CUBN: variants seen among roughly 807,000 people sequenced by gnomAD.
CUBN encodes the protein 460 kDa receptor.
CUBN carries 282 observed loss-of-function variants against 405.3 expected under a neutral mutation model. That is an observed-to-expected ratio of 0.70 (90% CI 0.63 to 0.77). CUBN has a LOEUF of 0.77. Ranked by LOEUF, CUBN falls within the 30% of genes least tolerant of loss-of-function variation. The pLI is 0.00. For synonymous variants in CUBN, 1,684 were observed against 1,617.0 expected (o/e 1.04, Z -0.99); for missense variants, 4,514 against 4,475.2 (o/e 1.01, Z -0.25).
chr10:16,949,919 A>T, intron 34 of CUBN, 82 bp downstream of exon 34: 1 of 1,015,400 alleles, frequency 9.8e-7, no homozygotes, highest in Non-Finnish European at 1.5e-6. Flanking sequence ...ATTGCAACCT[A>T]GAATGGCAGC....
chr10:17,129,724 G>A lies in CUBN; in HGVS notation c.42C>T (p.Thr14=). 6.2e-7 allele frequency: 1 copy of A among 1,614,004 alleles called. No individual in the cohort carries two copies. The highest frequency in any genetic ancestry group is 1.1e-5 in the South Asian group (1 of 91,082). Residue 14 remains threonine (T), a synonymous_variant, in exon 1 of 67, where the codon ACC becomes ACT. Coordinates refer to ENST00000377833, the MANE Select transcript of CUBN (RefSeq NM_001081.4). The part of the protein sequence containing the change: ...MSLPFLWSLL[T]LLIFAEVNGE... ...CATTTACTTCAGCAAATATTAATAA[G>A]GTAAGCAAACTCCAAAGAAAAGGTA...
chr10:17,027,965 T>C (rs79562353), intron 27 of CUBN, among the ~76,000 whole-genome samples: 3,746 of 152,196 alleles, frequency 0.025, 71 homozygotes, highest in Non-Finnish European at 0.039. Context: ...ATGTACCCCA[T>C]AATATATACA....
At chr10:17,040,965 G>A in intron 27 of CUBN, 68 bp downstream of exon 27, 1 of 1,454,580 alleles carries the variant, frequency 6.9e-7, no homozygotes, top group Non-Finnish European at 9.7e-7. Flanking sequence ...AAAGCATGAT[G>A]GATTCTAACT....
intron 28 of CUBN, among the ~76,000 whole-genome samples, chr10:17,001,281 G>T (rs1288418973): frequency 2.0e-5 from 3 of 152,246 alleles, no homozygotes; most frequent in Non-Finnish European, 4.4e-5. Flanking sequence ...TCCACAGCGT[G>T]CAGGGCAACC....
At chr10:16,918,572 C>G in intron 45 of CUBN, 50 bp downstream of exon 45, 1 of 1,417,422 alleles carries the variant, frequency 7.1e-7, no homozygotes, top group Non-Finnish European at 9.8e-7. Context: ...TATAACAAAT[C>G]TGCACATGTA....
intron 48 of CUBN, among the ~76,000 whole-genome samples, chr10:16,909,525 T>C (rs1841661181): frequency 6.6e-6 from 1 of 152,272 alleles, no homozygotes; most frequent in African/African-American, 2.4e-5. Context: ...TCTATAATGC[T>C]GAAAACAGGA....
chr10:17,089,917 T>C (rs573672938), intron 14 of CUBN, among the ~76,000 whole-genome samples: 2 of 152,044 alleles, frequency 1.3e-5, no homozygotes, highest in South Asian at 4.2e-4. Context: ...TTGAGCCCAG[T>C]TTAAGAACGG....
At chr10:16,991,195 T>C (rs190816914) in intron 28 of CUBN, among the ~76,000 whole-genome samples, 19 of 152,366 alleles carry the variant, frequency 1.2e-4, no homozygotes, top group Admixed American at 1.0e-3. Flanking sequence ...TCAAATGCTG[T>C]AGCCTGCGGC....
At chr10:17,105,041 T>C (rs1836591648) in intron 11 of CUBN, among the ~76,000 whole-genome samples, 1 of 151,898 alleles carries the variant, frequency 6.6e-6, no homozygotes, top group African/African-American at 2.4e-5. Context: ...TGGCTCGTGA[T>C]GCACCCGCCT....
In CUBN at chr10:17,111,058, A is replaced by G. The variant is rs764612252; in HGVS notation, c.884-8T>C. ...ATCCATTGCCTTGCCAGCCTAGGAA[A>G]ACAAGAGGATTTAAAAGTTTAGCTC... On this transcript the variant is annotated splice_polypyrimidine_tract_variant and splice_region_variant and intron_variant, in intron 8 of 66. Transcript: ENST00000377833. The G allele has an allele frequency of 2.3e-5, 37 of 1,614,172 alleles. No individual in the cohort carries two copies. The highest frequency in any genetic ancestry group is 3.1e-5 in the Non-Finnish European group (36 of 1,180,008).
intron 28 of CUBN, among the ~76,000 whole-genome samples, chr10:16,997,693 A>G (rs1833774467): frequency 6.6e-6 from 1 of 152,210 alleles, no homozygotes; most frequent in South Asian, 2.1e-4. Context: ...AGGGTGGGGA[A>G]GTGGACAGGA....
In CUBN at chr10:17,045,193, A is replaced by G. The variant is rs759881480; in HGVS notation, c.3491-5T>C. The G allele has an allele frequency of 2.5e-6, 4 of 1,613,378 alleles. No individual in the cohort carries two copies. The South Asian group carries it at 4.4e-5, about 18-fold the overall frequency. Reference sequence around the variant, plus strand: ...TGGTGAGATTACCCCCGCAACCTACAGGAGAAAGAAGTGGAATGACACACA... The same window carrying G: ...TGGTGAGATTACCCCCGCAACCTACGGGAGAAAGAAGTGGAATGACACACA... On this transcript the variant is annotated splice_polypyrimidine_tract_variant and splice_region_variant and intron_variant, in intron 24 of 66. Transcript: ENST00000377833.
chr10:16,838,128 C>T lies in CUBN; in HGVS notation c.10033-1746G>A, dbSNP rs1839229310. ...TAGCATCTTGTCCACCTTGGGAGCT[C>T]ATCTCAGCATATATGCTTTGCACCA... On this transcript the variant is annotated intron_variant, in intron 62 of 66. Transcript: ENST00000377833. Among the ~76,000 whole-genome samples the T allele has an allele frequency of 2.0e-5, 3 of 152,178 alleles. No homozygotes were observed. The South Asian group carries it at 6.2e-4, about 32-fold the overall frequency.
intron 31 of CUBN, among the ~76,000 whole-genome samples, chr10:16,955,857 C>T (rs1020318450): frequency 6.6e-6 from 1 of 152,120 alleles, no homozygotes; most frequent in African/African-American, 2.4e-5. Flanking sequence ...TTCCAGAGTC[C>T]AGAATTGAAA....
intron 59 of CUBN, among the ~76,000 whole-genome samples, chr10:16,852,764 C>T (rs951630929): frequency 5.3e-5 from 8 of 152,220 alleles, no homozygotes; most frequent in South Asian, 2.1e-4. Context: ...TTTTATGTTC[C>T]GCTTTCATGA....
At chr10:17,049,595 A>T (rs1467743307) in intron 22 of CUBN, among the ~76,000 whole-genome samples, 1 of 152,108 alleles carries the variant, frequency 6.6e-6, no homozygotes, top group Non-Finnish European at 1.5e-5. Context: ...ATCTGTACTG[A>T]AATTTTGATT....
At chr10:17,115,047 C>T (rs1178515755) in intron 7 of CUBN, among the ~76,000 whole-genome samples, 5 of 151,992 alleles carry the variant, frequency 3.3e-5, no homozygotes, top group Non-Finnish European at 7.4e-5. Context: ...AGTTCGAGAT[C>T]ATCCTGGCCA....
intron 59 of CUBN, among the ~76,000 whole-genome samples, chr10:16,862,638 A>G (rs77264316): frequency 0.042 from 6,391 of 152,276 alleles, 451 homozygotes; most frequent in African/African-American, 0.14. Flanking sequence ...TAACAAAAGA[A>G]TGTTTTAAAA....
intron 17 of CUBN, among the ~76,000 whole-genome samples, chr10:17,077,659 T>A (rs1588627737): frequency 6.6e-6 from 1 of 152,290 alleles, no homozygotes; most frequent in African/African-American, 2.4e-5. Context: ...TTCTGTGAAG[T>A]GAGCTTCAGG....
Sources: gnomAD v4.1 joint callset for allele counts (sites outside exome capture counted in the v4.1 genomes callset) on GRCh38, gnomAD v4.1.1 for gene constraint, MANE v1.5 for transcripts, NCBI Gene and HGNC (gene_info 2026-07-23, HGNC 2026-07-21) for gene names.